CTNNA2: variants seen among roughly 807,000 people sequenced by gnomAD.
CTNNA2 encodes the protein catenin alpha-2.
A neutral mutation model predicts 101.0 loss-of-function variants in CTNNA2; 42 were observed. The ratio of observed to expected loss-of-function variants is 0.42; its 90% CI spans 0.32 to 0.54. CTNNA2 has a LOEUF of 0.54. CTNNA2 is among the 20% of genes least tolerant of loss of function. CTNNA2 has a pLI of 0.14. For synonymous variants in CTNNA2, 450 were observed against 456.4 expected (o/e 0.99, Z 0.18); for missense variants, 871 against 1,223.1 (o/e 0.71, Z 4.29).
intron 3 of CTNNA2, among the ~76,000 whole-genome samples, chr2:79,337,443 A>T (rs1483547246): frequency 6.6e-6 from 1 of 152,212 alleles, no homozygotes; most frequent in African/African-American, 2.4e-5. Flanking sequence ...CAAATATATT[A>T]AAAAATGCTC....
At chr2:79,843,192 T>A (rs1483681458) in intron 3 of CTNNA2, among the ~76,000 whole-genome samples, 3 of 152,256 alleles carry the variant, frequency 2.0e-5, no homozygotes, top group African/African-American at 7.2e-5. Context: ...TTAAGAAGTG[T>A]GCACTTTGGT....
chr2:80,473,371 A>G (rs1053636293), intron 9 of CTNNA2, among the ~76,000 whole-genome samples: 2 of 152,324 alleles, frequency 1.3e-5, no homozygotes, highest in Non-Finnish European at 2.9e-5. Context: ...AGAAAACAAA[A>G]CTATCATGAA....
chr2:80,289,134 T>A (rs1350642306), intron 7 of CTNNA2: 1 of 152,142 alleles, frequency 6.6e-6, no homozygotes, highest in African/African-American at 2.4e-5. Context: ...CTAGCAGATA[T>A]ATGCTGCGGA....
At chr2:80,167,111 GTA>G (rs968952034) in intron 7 of CTNNA2, among the ~76,000 whole-genome samples, 3 of 151,406 alleles carry the variant, frequency 2.0e-5, no homozygotes, top group African/African-American at 2.4e-5. Context: ...GGAAAAAAAA[GTA>G]TATATATATA....
intron 7 of CTNNA2, among the ~76,000 whole-genome samples, chr2:79,921,930 C>T (rs1470101543): frequency 6.6e-6 from 1 of 152,134 alleles, no homozygotes; most frequent in Non-Finnish European, 1.5e-5. Flanking sequence ...AACACATATT[C>T]CAGGTTCCTG....
chr2:79,212,819 T>C (rs1312190907), intron 2 of CTNNA2, among the ~76,000 whole-genome samples: 1 of 152,172 alleles, frequency 6.6e-6, no homozygotes, highest in Non-Finnish European at 1.5e-5. Flanking sequence ...TTGCCAGTCC[T>C]GGGCAGGGGC....
chr2:79,414,669 G>T (rs1678457759), intron 4 of CTNNA2, among the ~76,000 whole-genome samples: 1 of 152,002 alleles, frequency 6.6e-6, no homozygotes, highest in Non-Finnish European at 1.5e-5. Flanking sequence ...CAGCATCTGG[G>T]CCAGAATCCA....
intron 4 of CTNNA2, among the ~76,000 whole-genome samples, chr2:79,861,518 A>C (rs889312113): frequency 1.3e-5 from 2 of 152,166 alleles, no homozygotes; most frequent in Admixed American, 1.3e-4. Context: ...GGCAGTGTGC[A>C]GGTCTTTGCA....
At chr2:80,104,197 C>T (rs902578174) in intron 7 of CTNNA2, among the ~76,000 whole-genome samples, 10 of 152,172 alleles carry the variant, frequency 6.6e-5, no homozygotes, top group South Asian at 2.1e-4. Context: ...TACTTAGCTC[C>T]GCTCAAGAGT....
intron 6 of CTNNA2, among the ~76,000 whole-genome samples, chr2:79,880,496 C>CTA (rs1170345273): frequency 6.6e-6 from 1 of 152,126 alleles, no homozygotes; most frequent in Non-Finnish European, 1.5e-5. Flanking sequence ...AAATTCAGAA[C>CTA]TTGTTATTGG....
intron 3 of CTNNA2, among the ~76,000 whole-genome samples, chr2:79,845,597 C>T (rs1680171748): frequency 6.6e-6 from 1 of 152,014 alleles, no homozygotes; most frequent in South Asian, 2.1e-4. Flanking sequence ...CTTTATTTTA[C>T]TTATTTTAAA....
At chr2:80,320,887 A>G (rs1678612139) in intron 7 of CTNNA2, among the ~76,000 whole-genome samples, 1 of 152,178 alleles carries the variant, frequency 6.6e-6, no homozygotes, top group Non-Finnish European at 1.5e-5. Flanking sequence ...TTAAAGTTGA[A>G]TGAGTTTTAA....
chr2:80,271,047 C>T (rs1305838978), intron 7 of CTNNA2, among the ~76,000 whole-genome samples: 1 of 152,164 alleles, frequency 6.6e-6, no homozygotes, highest in Non-Finnish European at 1.5e-5. Flanking sequence ...TGCAATTTCT[C>T]AATCCCAATC....
At chr2:79,303,667 G>C (rs534521171) in intron 2 of CTNNA2, among the ~76,000 whole-genome samples, 18 of 151,954 alleles carry the variant, frequency 1.2e-4, no homozygotes, top group Admixed American at 1.0e-3. Flanking sequence ...ATGAGGAAAG[G>C]GTTAGGTTCA....
intron 7 of CTNNA2, among the ~76,000 whole-genome samples, chr2:80,108,532 A>G (rs536259906): frequency 6.6e-6 from 1 of 152,308 alleles, no homozygotes; most frequent in Admixed American, 6.5e-5. Context: ...GCCCATGCTC[A>G]TTCAGGATCC....
chr2:80,233,971 A>G (rs888597341), intron 7 of CTNNA2, among the ~76,000 whole-genome samples: 3 of 152,194 alleles, frequency 2.0e-5, no homozygotes, highest in African/African-American at 7.2e-5. Context: ...GTTAGCTAGT[A>G]TCACTACTTT....
chr2:79,444,559 T>C (rs889885755), intron 4 of CTNNA2, among the ~76,000 whole-genome samples: 1 of 152,082 alleles, frequency 6.6e-6, no homozygotes, highest in Non-Finnish European at 1.5e-5. Flanking sequence ...CCCTTGCTGC[T>C]TCTGTCTGCC....
At chr2:80,146,305 T>A (rs1031069764) in intron 7 of CTNNA2, among the ~76,000 whole-genome samples, 2 of 152,206 alleles carry the variant, frequency 1.3e-5, no homozygotes, top group African/African-American at 4.8e-5. Flanking sequence ...AAATACATGA[T>A]GTTTTTTGTT....
chr2:80,105,730 T>C (rs1046806412), intron 7 of CTNNA2, among the ~76,000 whole-genome samples: 1 of 150,934 alleles, frequency 6.6e-6, no homozygotes, highest in African/African-American at 2.5e-5. Context: ...GGAGATCTTG[T>C]CTCAAAAAAA....
Sources: gnomAD v4.1 joint callset for allele counts (sites outside exome capture counted in the v4.1 genomes callset) on GRCh38, gnomAD v4.1.1 for gene constraint, MANE v1.5 for transcripts, NCBI Gene and HGNC (gene_info 2026-07-23, HGNC 2026-07-21) for gene names.